The following PDE8B variants were observed in gnomAD, a reference collection of about 807,000 sequenced individuals.
The protein encoded by PDE8B is high affinity cAMP-specific and IBMX-insensitive 3',5'-cyclic phosphodiesterase 8B.
PDE8B carries 26 observed loss-of-function variants against 101.3 expected under a neutral mutation model. That is an observed-to-expected ratio of 0.26 (90% confidence interval 0.19 to 0.36). PDE8B has a LOEUF of 0.36. PDE8B is among the 10% of genes least tolerant of loss of function. PDE8B has a pLI of 1.00. For missense variants in PDE8B, 810 were observed against 1,163.1 expected (o/e 0.70, Z 4.42); for synonymous variants, 424 against 429.3 (o/e 0.99, Z 0.15).
chr5:77,141,366 G>C, the PDE8B span: 2 of 152,124 alleles, frequency 1.3e-5, no homozygotes, highest in Non-Finnish European at 2.9e-5. Flanking sequence ...TAACATTAAC[G>C]ACCTTCAAGA....
chr5:77,097,454 A>C, the PDE8B span, among the ~76,000 whole-genome samples: 1 of 151,674 alleles, frequency 6.6e-6, no homozygotes, highest in Admixed American at 6.6e-5. Flanking sequence ...GATTATTAGT[A>C]GACACAATAT....
chr5:77,182,724 C>G, the PDE8B span, among the ~76,000 whole-genome samples: 1 of 150,258 alleles, frequency 6.7e-6, no homozygotes, highest in Non-Finnish European at 1.5e-5. Flanking sequence ...TATTGGATGC[C>G]TAATTGCCAG....
intron 1 of PDE8B, among the ~76,000 whole-genome samples, chr5:77,233,156 C>T (rs1203733247): frequency 2.0e-5 from 3 of 151,906 alleles, no homozygotes; most frequent in Non-Finnish European, 4.4e-5. Flanking sequence ...CCCTGTGAGG[C>T]TCAGCAAGCT....
At chr5:77,276,307 A>G (rs923066725) in intron 1 of PDE8B, among the ~76,000 whole-genome samples, 1 of 152,158 alleles carries the variant, frequency 6.6e-6, no homozygotes, top group African/African-American at 2.4e-5. Context: ...AGGAGGCAGA[A>G]TCACTCCTCA....
intron 2 of PDE8B, among the ~76,000 whole-genome samples, chr5:77,313,988 C>G (rs1225023733): frequency 1.3e-5 from 2 of 152,280 alleles, no homozygotes; most frequent in South Asian, 2.1e-4. Context: ...ATTGCCTAAT[C>G]TAAGGTTGTA....
chr5:77,097,685 T>TTATATATCTATA, the PDE8B span, among the ~76,000 whole-genome samples: 17 of 18,142 alleles, frequency 9.4e-4, no homozygotes, highest in African/African-American at 2.1e-3. Flanking sequence ...TGTGGAGATT[T>TTATATATCTATA]TATATATCTA....
intron 1 of PDE8B, among the ~76,000 whole-genome samples, chr5:77,249,889 G>T (rs753261201): frequency 6.6e-6 from 1 of 152,184 alleles, no homozygotes; most frequent in Non-Finnish European, 1.5e-5. Flanking sequence ...AAAAAACAGA[G>T]ATTTGTGAAA....
intron 1 of PDE8B, among the ~76,000 whole-genome samples, chr5:77,238,952 C>A (rs1755219649): frequency 6.6e-6 from 1 of 152,246 alleles, no homozygotes; most frequent in Non-Finnish European, 1.5e-5. Flanking sequence ...AATGTCTTTA[C>A]TCAGTCTACT....
chr5:77,190,386 T>A, the PDE8B span, among the ~76,000 whole-genome samples: 1 of 151,940 alleles, frequency 6.6e-6, no homozygotes, highest in Admixed American at 6.5e-5. Flanking sequence ...AGATCTAGTT[T>A]GTTAGCTGAA....
At chr5:77,264,826 T>A (rs1761353108) in intron 1 of PDE8B, among the ~76,000 whole-genome samples, 1 of 152,206 alleles carries the variant, frequency 6.6e-6, no homozygotes, top group Non-Finnish European at 1.5e-5. Flanking sequence ...ATCAGCTTTG[T>A]TCAATAGGTA....
chr5:77,395,074 G>A (rs1208337146), intron 10 of PDE8B, among the ~76,000 whole-genome samples: 1 of 152,122 alleles, frequency 6.6e-6, no homozygotes, highest in Non-Finnish European at 1.5e-5. Flanking sequence ...GCTTTTGGTA[G>A]TGTTGTATTA....
At chr5:77,139,179 G>A in the PDE8B span, 118,191 of 152,234 alleles carry the variant, frequency 0.78, 46,883 homozygotes, top group East Asian at 0.95. Flanking sequence ...GTGGCATGAT[G>A]GTTGCTAAGC....
At chr5:77,292,331 C>T (rs251411) in intron 1 of PDE8B, among the ~76,000 whole-genome samples, 25,785 of 152,038 alleles carry the variant, frequency 0.17, 2,354 homozygotes, top group Non-Finnish European at 0.21. Flanking sequence ...TATTGTGTGA[C>T]AAATATCATG....
chr5:77,312,443 A>G (rs972770875), intron 2 of PDE8B, among the ~76,000 whole-genome samples: 5 of 152,118 alleles, frequency 3.3e-5, no homozygotes, highest in Non-Finnish European at 5.9e-5. Context: ...ACATTTCCCC[A>G]TTTTGAGTAT....
intron 1 of PDE8B, among the ~76,000 whole-genome samples, chr5:77,289,285 C>A (rs1766746903): frequency 6.6e-6 from 1 of 152,192 alleles, no homozygotes; most frequent in African/African-American, 2.4e-5. Context: ...AATTCATAAT[C>A]TCTTCCAGAA....
At chr5:77,209,284 T>C (rs1310058486), upstream of PDE8B, among the ~76,000 whole-genome samples, 1 of 152,102 alleles carries the variant, frequency 6.6e-6, no homozygotes, top group Non-Finnish European at 1.5e-5. Context: ...ATCTTGCTTC[T>C]CTATGAAATT....
chr5:77,296,134 T>C (rs1768499077), intron 1 of PDE8B, among the ~76,000 whole-genome samples: 3 of 151,184 alleles, frequency 2.0e-5, no homozygotes, highest in South Asian at 4.2e-4. Context: ...TGTCCTCCTC[T>C]TCTTCCTCCT....
the PDE8B span, among the ~76,000 whole-genome samples, chr5:77,133,605 T>C: frequency 6.6e-6 from 1 of 152,058 alleles, no homozygotes; most frequent in Non-Finnish European, 1.5e-5. Flanking sequence ...GGAAAGAAAA[T>C]GGTAATCTGT....
At chr5:77,152,111 A>G in the PDE8B span, 7 of 152,286 alleles carry the variant, frequency 4.6e-5, no homozygotes, top group African/African-American at 1.2e-4. Context: ...GTAGAGCCCA[A>G]TGCTGGGCAT....
Sources: allele counts gnomAD v4.1 joint callset (sites outside exome capture counted in the v4.1 genomes callset), GRCh38; gene constraint gnomAD v4.1.1; transcripts MANE v1.5; gene names NCBI Gene and HGNC (gene_info 2026-07-23, HGNC 2026-07-21).